Variants in COG4 observed in about 807,000 individuals in gnomAD.
The protein encoded by COG4 is conserved oligomeric Golgi complex subunit 4.
A neutral mutation model predicts 95.1 loss-of-function variants in COG4; 65 were observed. That is an observed-to-expected ratio of 0.68 (90% CI 0.56 to 0.84). The LOEUF (loss-of-function observed/expected upper bound fraction) is 0.84. Among genes scored for constraint, COG4 ranks in the 40% least tolerant of loss-of-function variants. The pLI is 0.00. For missense variants in COG4, 1,045 were observed against 989.1 expected (o/e 1.06, Z -0.76); for synonymous variants, 421 against 374.8 (o/e 1.12, Z -1.42).
intron 1 of COG4, among the ~76,000 whole-genome samples, chr16:70,520,835 C>G (rs937662839): frequency 6.6e-6 from 1 of 152,066 alleles, no homozygotes. Flanking sequence ...TCGGTTTTTT[C>G]ATCTGTAAAA....
At chr16:70,500,790 C>G (rs2049432559) in intron 9 of COG4, among the ~76,000 whole-genome samples, 168 bp downstream of exon 9, 1 of 152,162 alleles carries the variant, frequency 6.6e-6, no homozygotes, top group Non-Finnish European at 1.5e-5. Context: ...TAGTCCAATT[C>G]TAAAATCCAG....
chr16:70,523,316 T>C (rs2049993809), intron 1 of COG4, 57 bp downstream of exon 1: 1 of 1,602,372 alleles, frequency 6.2e-7, no homozygotes, highest in African/African-American at 1.3e-5. Context: ...ATTTCCCGAC[T>C]GAAGGCTCCC....
chr16:70,498,841 C>T (rs1040422515), intron 9 of COG4, among the ~76,000 whole-genome samples: 1 of 152,100 alleles, frequency 6.6e-6, no homozygotes. Flanking sequence ...TGTAAGTTTC[C>T]ATGGCAAAGA....
At chr16:70,493,842 G>GC (rs2049291826) in intron 12 of COG4, among the ~76,000 whole-genome samples, 1 of 152,136 alleles carries the variant, frequency 6.6e-6, no homozygotes, top group Non-Finnish European at 1.5e-5. Flanking sequence ...GAAATAGAGG[G>GC]CCTGGGGATC....
intron 14 of COG4, among the ~76,000 whole-genome samples, chr16:70,483,630 G>A (rs1232265624): frequency 6.6e-6 from 1 of 152,154 alleles, no homozygotes; most frequent in African/African-American, 2.4e-5. Flanking sequence ...CAAGTGCAAA[G>A]TCTAGAGCAC....
At chr16:70,518,769 G>C (rs910932339) in intron 2 of COG4, among the ~76,000 whole-genome samples, 2 of 152,034 alleles carry the variant, frequency 1.3e-5, no homozygotes, top group Non-Finnish European at 1.5e-5. Context: ...TTGAGGTCAG[G>C]AGTTTGAGAC....
chr16:70,502,385 G>A (rs1361545418), intron 8 of COG4, among the ~76,000 whole-genome samples: 1 of 150,530 alleles, frequency 6.6e-6, no homozygotes, highest in African/African-American at 2.4e-5. Context: ...ACCTGAGGTC[G>A]GGAGTTCGAG....
chr16:70,504,842 C>G (rs1399849327), intron 8 of COG4, among the ~76,000 whole-genome samples: 1 of 147,800 alleles, frequency 6.8e-6, no homozygotes, highest in Non-Finnish European at 1.5e-5. Context: ...ACCCGGGAGG[C>G]GTAGGTTGCA....
chr16:70,509,935 T>G lies in COG4; in HGVS notation c.825A>C (p.Thr275=), dbSNP rs774805185. 5 of 1,613,722 alleles carry G rather than the reference T, an allele frequency of 3.1e-6. No individual in the cohort carries two copies. Among genetic ancestry groups the G allele is most frequent in the Non-Finnish European group, 3.4e-6 (4 of 1,179,686 alleles). The part of the protein sequence containing the change: ...DRRAAVIFAD[T]LTLLFEGIAR... ...GCTCACCTTCAAACAGAAGAGTAAG[T>G]GTATCTGCAAAGATGACTGCAGCTC... The change falls in exon 6 of 19, where the codon ACA becomes ACC. Residue 275 remains threonine (T), a synonymous_variant. Transcript: ENST00000323786.
chr16:70,519,563 T>C, intron 2 of COG4, 86 bp downstream of exon 2: 1 of 928,770 alleles, frequency 1.1e-6, no homozygotes, highest in Non-Finnish European at 1.8e-6. Flanking sequence ...AACTGGTGTT[T>C]ATAACAGAAA....
intron 1 of COG4, among the ~76,000 whole-genome samples, chr16:70,521,866 TA>T (rs1420354738): frequency 6.6e-6 from 1 of 150,976 alleles, no homozygotes; most frequent in African/African-American, 2.4e-5. Context: ...CACGCCCGGC[TA>T]ATTTTTTGTA....
At position 70,506,599 on chromosome 16, in the gene COG4, AAAAAAAAAAAAAAAAAAAC is replaced by A. The variant is rs1295762410; in HGVS notation, c.1061+1788_1061+1806del. 6.4e-3 allele frequency among the ~76,000 whole-genome samples: 614 copies of A among 95,242 alleles called. 16 individuals are homozygous for A. Among genetic ancestry groups the A allele is most frequent in the African/African-American group, 0.04 (566 of 14,128 alleles). The allele number at this position is 95,242 out of a possible 152,430, so 62.5% of individuals were successfully genotyped here. ...CAACAGAGCGAGACTGCCTCAAAAA[AAAAAAAAAAAAAAAAAAAC>A]AAAAAAAAAAACATTTAGCTGGGAG... On this transcript the variant is annotated intron_variant, in intron 8 of 18. Coordinates refer to ENST00000323786, the MANE Select transcript of COG4 (RefSeq NM_015386.3).
At chr16:70,488,536 G>T (rs984071698) in intron 13 of COG4, among the ~76,000 whole-genome samples, 1 of 151,954 alleles carries the variant, frequency 6.6e-6, no homozygotes, top group Non-Finnish European at 1.5e-5. Flanking sequence ...TGAGACTACA[G>T]GCACGAGCCA....
At chr16:70,502,919 G>A (rs1349723910) in intron 8 of COG4, among the ~76,000 whole-genome samples, 2 of 152,166 alleles carry the variant, frequency 1.3e-5, no homozygotes, top group African/African-American at 4.8e-5. Flanking sequence ...AATAAACAAC[G>A]AAGGGTCTTT....
At chr16:70,512,796 G>A (rs1440689250) in intron 4 of COG4, among the ~76,000 whole-genome samples, 2 of 152,172 alleles carry the variant, frequency 1.3e-5, no homozygotes, top group Non-Finnish European at 2.9e-5. Flanking sequence ...TGGCCAACAT[G>A]GTGAAACCCT....
rs1446717449 is a variant in COG4, at chr16:70,509,334, G to A, written c.899C>T (p.Pro300Leu). 6.2e-7 allele frequency: 1 copy of A among 1,614,092 alleles called. No individual in the cohort carries two copies. Among genetic ancestry groups the A allele is most frequent in the Non-Finnish European group, 8.5e-7 (1 of 1,180,016 alleles). ...HQPIVETYYG[P>L]GRLYTLIKYL... Reference sequence around the variant, plus strand: ...TTTGATCAGGGTATAGAGTCTCCCTGGCCCATAATAGGTCTCCACTATTGG... The same window carrying A: ...TTTGATCAGGGTATAGAGTCTCCCTAGCCCATAATAGGTCTCCACTATTGG... Residue 300 changes from proline to leucine, a missense_variant, in exon 7 of 19, where the codon CCA (proline) becomes CTA (leucine). Coordinates refer to ENST00000323786, the MANE Select transcript of COG4 (RefSeq NM_015386.3).
rs540873272 is a variant in COG4, at chr16:70,509,839, G to A, written c.844+77C>T. 6.7e-6 allele frequency: 7 copies of A among 1,051,142 alleles called. 1 individual carries two copies. In the African/African-American group the frequency reaches 1.1e-4, roughly 16 times the overall value. The allele number at this position is 1,051,142 out of a possible 1,614,324, so 65.1% of individuals were successfully genotyped here. A position where few individuals can be genotyped will look rare whatever the true frequency, so the allele number is the denominator to read the frequency against. On this transcript the variant is annotated intron_variant, in intron 6 of 18. Coordinates refer to ENST00000323786, the MANE Select transcript of COG4 (RefSeq NM_015386.3). The stretch of plus-strand genomic sequence containing the variant: ...TGATTAAATTAAAGTCATCAGGCTA[G>A]AAGGGTGAGAAGAAAGGCTAGGATG...
At chr16:70,501,973 C>T (rs1006342736) in intron 8 of COG4, among the ~76,000 whole-genome samples, 3 of 151,816 alleles carry the variant, frequency 2.0e-5, no homozygotes, top group Admixed American at 6.6e-5. Flanking sequence ...TGCCTGGCCT[C>T]TTTTGTGGTT....
chr16:70,516,028 T>G (rs2049815323), intron 3 of COG4: 1 of 455,920 alleles, frequency 2.2e-6, no homozygotes. Flanking sequence ...TATTCCAAAT[T>G]TGTTGAGTGT....
Sources: allele counts gnomAD v4.1 joint callset (sites outside exome capture counted in the v4.1 genomes callset), GRCh38; gene constraint gnomAD v4.1.1; transcripts MANE v1.5; gene names NCBI Gene and HGNC (gene_info 2026-07-23, HGNC 2026-07-21).